Variants in RTN3 observed in about 807,000 individuals in gnomAD.
RTN3 encodes the protein reticulon-3.
A neutral mutation model predicts 77.8 loss-of-function variants in RTN3; 49 were observed. The ratio of observed to expected loss-of-function variants is 0.63; its 90% confidence interval spans 0.50 to 0.80. The LOEUF (loss-of-function observed/expected upper bound fraction) is 0.80, where lower values mean the gene tolerates loss of function less well. Ranked by LOEUF, RTN3 falls within the 30% of genes least tolerant of loss-of-function variation. The probability of loss-of-function intolerance (pLI) is 0.00; values close to 1 mark genes in which losing one functional copy is unlikely to be tolerated. For missense variants in RTN3, 1,236 were observed against 1,211.9 expected (o/e 1.02, Z -0.29); for synonymous variants, 464 against 446.9 (o/e 1.04, Z -0.48).
intron 4 of RTN3, among the ~76,000 whole-genome samples, chr11:63,750,635 A>G (rs1458706890): frequency 6.6e-6 from 1 of 151,828 alleles, no homozygotes; most frequent in Non-Finnish European, 1.5e-5. Flanking sequence ...TATTTTTACT[A>G]GATACGGGGT....
At chr11:63,739,535 A>C (rs369262047) in intron 3 of RTN3, among the ~76,000 whole-genome samples, 10 of 152,318 alleles carry the variant, frequency 6.6e-5, no homozygotes, top group African/African-American at 2.4e-4. Flanking sequence ...ACACCCAAAG[A>C]AAAGGACATT....
At chr11:63,726,122 A>G (rs944737063) in intron 3 of RTN3, among the ~76,000 whole-genome samples, 1 of 152,202 alleles carries the variant, frequency 6.6e-6, no homozygotes, top group South Asian at 2.1e-4. Context: ...CAATGTCAGA[A>G]TGGTTTTCTT....
In RTN3 at chr11:63,718,839, A is replaced by G. The variant is rs1276084357; in HGVS notation, c.337A>G (p.Ile113Val). The change falls in exon 3 of 9, where the codon ATT becomes GTT. Residue 113 changes from isoleucine (I) to valine (V), a missense_variant. Transcript: ENST00000377819. ...AAGCCATGTGTTAGGGAGCCAGCCT[A>G]TTTTAGCCAAAGAAGGAAAAGACCA... ...EKSHVLGSQP[I>V]LAKEGKDHLD... 2 of 1,614,048 alleles carry G rather than the reference A, an allele frequency of 1.2e-6. No homozygotes were observed. Among genetic ancestry groups the G allele is most frequent in the Non-Finnish European group, 8.5e-7 (1 of 1,180,044 alleles).
intron 7 of RTN3, 141 bp from the exon 8 acceptor site, chr11:63,755,970 AC>A: frequency 1.6e-6 from 1 of 617,282 alleles, no homozygotes; most frequent in South Asian, 2.1e-5. Context: ...AAAAAAAAAA[AC>A]TTTTAAAAAC....
chr11:63,689,002 T>G (rs1199512717), intron 1 of RTN3, among the ~76,000 whole-genome samples: 1 of 152,198 alleles, frequency 6.6e-6, no homozygotes, highest in African/African-American at 2.4e-5. Flanking sequence ...TTACAAAGGC[T>G]TCATTAAGTA....
chr11:63,745,463 C>T (rs141484452), intron 3 of RTN3, among the ~76,000 whole-genome samples: 13 of 152,192 alleles, frequency 8.5e-5, no homozygotes, highest in Non-Finnish European at 1.5e-5. Context: ...TGGTCAGTGT[C>T]TGAGGAAGTA....
intron 3 of RTN3, among the ~76,000 whole-genome samples, 182 bp downstream of exon 3, chr11:63,721,214 G>A (rs2011769212): frequency 6.6e-6 from 1 of 152,032 alleles, no homozygotes; most frequent in African/African-American, 2.4e-5. Flanking sequence ...GCTTGATTTG[G>A]TTTCCTTAAT....
intron 1 of RTN3, among the ~76,000 whole-genome samples, chr11:63,683,943 CTTTTT>C (rs35837590): frequency 1.7e-4 from 10 of 58,946 alleles, no homozygotes; most frequent in African/African-American, 7.5e-4. Flanking sequence ...TCTTTTCTTT[CTTTTT>C]TTTTTTTTTT....
At chr11:63,704,724 G>A in intron 1 of RTN3, 127 bp from the exon 2 acceptor site, 1 of 599,802 alleles carries the variant, frequency 1.7e-6, no homozygotes, top group Non-Finnish European at 2.9e-6. Flanking sequence ...ATAAAGATTT[G>A]AGTTTTCCTC....
At chr11:63,684,382 C>G (rs1369769143) in intron 1 of RTN3, among the ~76,000 whole-genome samples, 1 of 151,962 alleles carries the variant, frequency 6.6e-6, no homozygotes, top group Non-Finnish European at 1.5e-5. Flanking sequence ...CTCCTGACCT[C>G]GTGATCCGCC....
At chr11:63,705,342 A>C (rs1412737221) in intron 2 of RTN3, among the ~76,000 whole-genome samples, 1 of 152,116 alleles carries the variant, frequency 6.6e-6, no homozygotes, top group African/African-American at 2.4e-5. Context: ...ATCCGGGCAT[A>C]GGTGGTGCAT....
chr11:63,709,168 TA>T, intron 2 of RTN3, among the ~76,000 whole-genome samples: 1 of 152,218 alleles, frequency 6.6e-6, no homozygotes, highest in East Asian at 1.9e-4. Context: ...TTTTAGGGTT[TA>T]GACTTCTTTT....
intron 4 of RTN3, chr11:63,750,437 C>A: frequency 1.1e-5 from 5 of 459,374 alleles, no homozygotes; most frequent in Non-Finnish European, 1.2e-5. Flanking sequence ...GGGAGTCCTT[C>A]AAAGAAGACT....
Position 63,720,263 on chromosome 11 carries a change from T to TA in RTN3, c.1762dup (p.Thr588AsnfsTer10). The TA allele has an allele frequency of 1.2e-6, 2 of 1,613,916 alleles. No homozygotes were observed. Among genetic ancestry groups the TA allele is most frequent in the Non-Finnish European group, 1.7e-6 (2 of 1,179,942 alleles). Reference sequence around the variant, plus strand: ...AGGCAGCATGTTCAAAAGTACCCGATACGAATGTCTCCTTAGAAGATGTGA... The same window carrying TA: ...AGGCAGCATGTTCAAAAGTACCCGATAACGAATGTCTCCTTAGAAGATGTGA... On this transcript the variant is annotated frameshift_variant, in exon 3 of 9. Coordinates refer to ENST00000377819, the MANE Select transcript of RTN3 (RefSeq NM_001265589.2). LOFTEE classifies it high-confidence loss of function.
At chr11:63,741,197 A>ATT (rs1314917303) in intron 3 of RTN3, among the ~76,000 whole-genome samples, 1 of 145,342 alleles carries the variant, frequency 6.9e-6, no homozygotes, top group East Asian at 1.9e-4. Context: ...TTATTTATTT[A>ATT]TTTATTTATT....
chr11:63,751,079 G>A (rs1174399141), intron 4 of RTN3, among the ~76,000 whole-genome samples: 1 of 152,096 alleles, frequency 6.6e-6, no homozygotes, highest in African/African-American at 2.4e-5. Flanking sequence ...ATATTGGTCA[G>A]GCTGGTCTTG....
intron 3 of RTN3, among the ~76,000 whole-genome samples, chr11:63,747,390 T>C (rs901889861): frequency 1.3e-5 from 2 of 152,236 alleles, no homozygotes; most frequent in Admixed American, 1.3e-4. Context: ...TAAGTTCTTC[T>C]GTTCAATCTC....
chr11:63,719,545 T>G lies in RTN3; in HGVS notation c.1043T>G (p.Val348Gly). ...CTGACTTGGGATCTGGTTCCCCAAGTGAAACAACAGACCGATAAATCTTCT... is the reference window on the plus strand; with the variant it reads ...CTGACTTGGGATCTGGTTCCCCAAGGGAAACAACAGACCGATAAATCTTCT... ...EILTWDLVPQ[V>G]KQQTDKSSDC... is the part of the protein sequence containing the mutation. The change falls in exon 3 of 9, where the codon GTG becomes GGG. Residue 348 changes from valine (V) to glycine (G), a missense_variant. Physicochemically the swap from Val to Gly is moderately radical, Grantham distance 109 (BLOSUM62 -3). Transcript: ENST00000377819. 1 of 1,614,134 alleles carries G rather than the reference T, an allele frequency of 6.2e-7. No individual in the cohort carries two copies. Among genetic ancestry groups the G allele is most frequent in the Non-Finnish European group, 8.5e-7 (1 of 1,180,026 alleles).
chr11:63,749,935 A>C (rs1231235237), intron 3 of RTN3, 56 bp from the exon 4 acceptor site: 2 of 1,269,848 alleles, frequency 1.6e-6, no homozygotes, highest in East Asian at 4.7e-5. Flanking sequence ...ACAGGTATGC[A>C]AGACATAGTA....
Sources: allele counts gnomAD v4.1 joint callset (sites outside exome capture counted in the v4.1 genomes callset), GRCh38; gene constraint gnomAD v4.1.1; transcripts MANE v1.5; gene names NCBI Gene and HGNC (gene_info 2026-07-23, HGNC 2026-07-21).